CD48: variants seen among roughly 807,000 people sequenced by gnomAD.
CD48 encodes the protein CD48 molecule.
A neutral mutation model predicts 22.0 loss-of-function variants in CD48; 20 were observed. The ratio of observed to expected loss-of-function variants is 0.91; its 90% CI spans 0.64 to 1.32. The LOEUF is 1.32. CD48 is among the 40% of genes most tolerant of loss of function. The pLI, the probability that CD48 is intolerant of heterozygous loss-of-function variation, is 0.00. For synonymous variants in CD48, 110 were observed against 110.1 expected (o/e 1.00, Z 0.01); for missense variants, 307 against 286.5 (o/e 1.07, Z -0.52).
At chr1:160,708,674 T>C (rs576041363) in intron 1 of CD48, among the ~76,000 whole-genome samples, 1 of 152,036 alleles carries the variant, frequency 6.6e-6, no homozygotes, top group Non-Finnish European at 1.5e-5. Flanking sequence ...GAGATGTCAT[T>C]TATAGAGGTG....
chr1:160,680,116 G>A (rs1230953578), intron 3 of CD48, among the ~76,000 whole-genome samples: 1 of 152,226 alleles, frequency 6.6e-6, no homozygotes, highest in Non-Finnish European at 1.5e-5. Context: ...CCACAAAACA[G>A]CAACGTTCTC....
intron 1 of CD48, among the ~76,000 whole-genome samples, chr1:160,703,448 T>C (rs1021703508): frequency 1.4e-4 from 21 of 151,958 alleles, no homozygotes; most frequent in Non-Finnish European, 7.4e-5. Flanking sequence ...CTGTAGTGGA[T>C]GGGGGATGGC....
intron 1 of CD48, chr1:160,699,860 C>CA (rs1449654754): frequency 6.6e-6 from 1 of 151,768 alleles, no homozygotes; most frequent in East Asian, 1.9e-4. Context: ...TAAGGGAACT[C>CA]AGAGGCTGGC....
At chr1:160,706,537 A>G (rs1662800212) in intron 1 of CD48, among the ~76,000 whole-genome samples, 1 of 152,164 alleles carries the variant, frequency 6.6e-6, no homozygotes, top group Non-Finnish European at 1.5e-5. Flanking sequence ...TGCTGATAAA[A>G]TCTTGATTTG....
Position 160,707,948 on chromosome 1 carries a change from C to G in CD48, c.82+3734G>C, listed in dbSNP as rs553431971. Among the ~76,000 whole-genome samples the G allele has an allele frequency of 6.6e-5, 10 of 152,278 alleles. No homozygotes were observed. The South Asian group carries it at 2.1e-3, about 32-fold the overall frequency. On this transcript the variant is annotated intron_variant, in intron 1 of 3. Transcript: ENST00000368046. ...GTAAGGGTGCAATAGATAGATGTGG[C>G]TCCTTCCCTTGAGCTTCATTCCAGT...
intron 1 of CD48, among the ~76,000 whole-genome samples, chr1:160,709,929 A>G (rs1439247379): frequency 6.6e-6 from 1 of 152,206 alleles, no homozygotes; most frequent in Non-Finnish European, 1.5e-5. Context: ...CTGGAGCCTG[A>G]GGTTCCCATC....
intron 1 of CD48, chr1:160,692,004 A>C (rs2102415856): frequency 5.0e-6 from 1 of 199,168 alleles, no homozygotes; most frequent in East Asian, 1.0e-4. Flanking sequence ...TAATCAAGCT[A>C]TTTCAAACAA....
intron 1 of CD48, among the ~76,000 whole-genome samples, chr1:160,703,401 A>T (rs1414175021): frequency 1.3e-5 from 2 of 152,166 alleles, no homozygotes; most frequent in Non-Finnish European, 2.9e-5. Flanking sequence ...ATCGATGCAG[A>T]CCGGTTTAGG....
At chr1:160,690,417 G>C (rs750394566) in intron 1 of CD48, among the ~76,000 whole-genome samples, 1 of 152,214 alleles carries the variant, frequency 6.6e-6, no homozygotes, top group Non-Finnish European at 1.5e-5. Flanking sequence ...CTTAACACCA[G>C]GTTCCTGATT....
chr1:160,710,596 T>C (rs1449964702), intron 1 of CD48, among the ~76,000 whole-genome samples: 2 of 152,298 alleles, frequency 1.3e-5, no homozygotes, highest in South Asian at 2.1e-4. Flanking sequence ...CCAATTCTCA[T>C]TGGCAACCCT....
intron 1 of CD48, among the ~76,000 whole-genome samples, chr1:160,707,011 G>A (rs916679564): frequency 2.6e-5 from 4 of 152,200 alleles, no homozygotes; most frequent in Non-Finnish European, 5.9e-5. Context: ...AAGAAGATGA[G>A]TGTTAAGGAT....
intron 1 of CD48, among the ~76,000 whole-genome samples, chr1:160,697,129 C>A (rs1662456545): frequency 6.6e-6 from 1 of 152,064 alleles, no homozygotes; most frequent in Non-Finnish European, 1.5e-5. Flanking sequence ...GTAAAAAGAA[C>A]AGCCCACATG....
At chr1:160,702,450 T>A (rs141316105) in intron 1 of CD48, among the ~76,000 whole-genome samples, 3 of 152,218 alleles carry the variant, frequency 2.0e-5, no homozygotes, top group African/African-American at 7.2e-5. Flanking sequence ...CTATTTGATG[T>A]CGGGTCCATC....
At chr1:160,698,680 C>G (rs1346114375) in intron 1 of CD48, among the ~76,000 whole-genome samples, 2 of 152,006 alleles carry the variant, frequency 1.3e-5, no homozygotes, top group Non-Finnish European at 2.9e-5. Flanking sequence ...GTATTACACC[C>G]CAAATTTATA....
chr1:160,704,670 T>C (rs11265472), intron 1 of CD48, among the ~76,000 whole-genome samples: 31,354 of 152,206 alleles, frequency 0.21, 3,584 homozygotes, highest in African/African-American at 0.29. Context: ...TATGCTGTCA[T>C]GTTCTTTGTA....
chr1:160,680,554 T>C, intron 3 of CD48: 2 of 990,250 alleles, frequency 2.0e-6, no homozygotes, highest in Non-Finnish European at 2.4e-6. Context: ...TGGCCTTAGC[T>C]GTCCCATGCT....
At position 160,689,891 on chromosome 1, in the gene CD48, C is replaced by A. The variant is rs554669396; in HGVS notation, c.83-4702G>T. ...TATTGGTTTGAGAGTTTTTCCATAA[C>A]ACTGACTTGCCTTCGTTTATGGAAA... On this transcript the variant is annotated intron_variant, in intron 1 of 3. Transcript: ENST00000368046. Among the ~76,000 whole-genome samples, 3 of 152,288 alleles carry A rather than the reference C, an allele frequency of 2.0e-5. No homozygotes were observed. The East Asian group carries it at 5.8e-4, about 29-fold the overall frequency.
At chr1:160,709,375 A>T (rs1271583798) in intron 1 of CD48, among the ~76,000 whole-genome samples, 1 of 152,140 alleles carries the variant, frequency 6.6e-6, no homozygotes, top group Non-Finnish European at 1.5e-5. Flanking sequence ...ATTTGATCTT[A>T]ATAGCAACCC....
At chr1:160,683,865 C>T (rs1207212711) in intron 2 of CD48, 1 of 152,310 alleles carries the variant, frequency 6.6e-6, no homozygotes, top group African/African-American at 2.4e-5. Context: ...TTTAGCCCCG[C>T]TCTTCTACAA....
Sources: gnomAD v4.1 joint callset for allele counts (sites outside exome capture counted in the v4.1 genomes callset) on GRCh38, gnomAD v4.1.1 for gene constraint, MANE v1.5 for transcripts, NCBI Gene and HGNC (gene_info 2026-07-23, HGNC 2026-07-21) for gene names.